Variants in NEDD4L observed in about 807,000 individuals in gnomAD.
NEDD4L encodes NEDD4 like E3 ubiquitin protein ligase.
A neutral mutation model predicts 148.9 loss-of-function variants in NEDD4L; 54 were observed. The ratio of observed to expected loss-of-function variants is 0.36; its 90% CI spans 0.29 to 0.45. The LOEUF is 0.45. Ranked by LOEUF, NEDD4L falls within the 20% of genes least tolerant of loss-of-function variation. The probability of loss-of-function intolerance (pLI) is 1.00; values close to 1 mark genes in which losing one functional copy is unlikely to be tolerated. For synonymous variants in NEDD4L, 433 were observed against 440.7 expected, an observed-to-expected ratio of 0.98 and a Z score of 0.22; for missense variants, 856 against 1,233.8, an observed-to-expected ratio of 0.69 and a Z score of 4.59.
chr18:58,384,608 GGAGT>G (rs1173251780), intron 25 of NEDD4L, among the ~76,000 whole-genome samples: 2 of 152,178 alleles, frequency 1.3e-5, no homozygotes, highest in Non-Finnish European at 2.9e-5. Context: ...AAACGTGGTG[GGAGT>G]CAGGGCCAGG....
At chr18:58,082,589 T>C (rs892234422) in intron 1 of NEDD4L, among the ~76,000 whole-genome samples, 13 of 150,646 alleles carry the variant, frequency 8.6e-5, no homozygotes, top group Non-Finnish European at 1.2e-4. Context: ...CCGGCCAACA[T>C]GGTGAAACCC....
At chr18:58,258,711 A>G (rs1316199957) in intron 5 of NEDD4L, among the ~76,000 whole-genome samples, 1 of 152,234 alleles carries the variant, frequency 6.6e-6, no homozygotes, top group Non-Finnish European at 1.5e-5. Context: ...GTACACATAC[A>G]TAAATTAGTA....
intron 1 of NEDD4L, among the ~76,000 whole-genome samples, chr18:58,162,409 C>T (rs555726076): frequency 3.9e-5 from 6 of 152,108 alleles, no homozygotes; most frequent in Non-Finnish European, 8.8e-5. Flanking sequence ...CCTGCCGCAC[C>T]ACTCAGCCTT....
rs148784578 is a variant in NEDD4L at position 58,179,875 on chromosome 18, T to C, written c.122+14014T>C. 3.8e-3 allele frequency among the ~76,000 whole-genome samples: 579 copies of C among 152,220 alleles called. 3 individuals carry two copies. Among genetic ancestry groups the C allele is most frequent in the African/African-American group, 0.013 (546 of 41,532 alleles). On this transcript the variant is annotated intron_variant, in intron 2 of 30. Coordinates refer to ENST00000400345, the MANE Select transcript of NEDD4L (RefSeq NM_001144967.3). Reference sequence around the variant, plus strand: ...TAATAGAAATAAAGTGCACCATAAATGTAATGCCCTTGAATCATCTCCAAA... The same window carrying C: ...TAATAGAAATAAAGTGCACCATAAACGTAATGCCCTTGAATCATCTCCAAA...
intron 2 of NEDD4L, among the ~76,000 whole-genome samples, chr18:58,224,760 G>C (rs756423452): frequency 4.6e-5 from 7 of 152,154 alleles, no homozygotes; most frequent in Non-Finnish European, 8.8e-5. Flanking sequence ...TCTTGTGCTA[G>C]ACATTGAGGG....
At chr18:58,374,234 A>C (rs556189136) in intron 24 of NEDD4L, among the ~76,000 whole-genome samples, 1 of 152,216 alleles carries the variant, frequency 6.6e-6, no homozygotes, top group Non-Finnish European at 1.5e-5. Context: ...TAATCACATT[A>C]ATATCAGAAT....
chr18:58,341,943 C>T (rs1437588262), intron 15 of NEDD4L, 146 bp downstream of exon 15: 2 of 870,786 alleles, frequency 2.3e-6, no homozygotes, highest in South Asian at 1.6e-5. Flanking sequence ...CTTGTGCAGC[C>T]TTTCTACCTG....
chr18:58,106,915 G>C (rs1242596047), intron 1 of NEDD4L, among the ~76,000 whole-genome samples: 2 of 152,190 alleles, frequency 1.3e-5, no homozygotes, highest in Non-Finnish European at 2.9e-5. Flanking sequence ...GAGGAAGTGG[G>C]TTAGTCTGCT....
At chr18:58,270,209 T>A (rs1398878530) in intron 5 of NEDD4L, among the ~76,000 whole-genome samples, 1 of 152,240 alleles carries the variant, frequency 6.6e-6, no homozygotes, top group African/African-American at 2.4e-5. Flanking sequence ...TTGTCAAATT[T>A]TCATGAATTT....
chr18:58,290,387 C>A (rs966115851), intron 5 of NEDD4L, among the ~76,000 whole-genome samples: 1 of 152,160 alleles, frequency 6.6e-6, no homozygotes, highest in Non-Finnish European at 1.5e-5. Flanking sequence ...GATTATACTT[C>A]ACAAATGTAA....
At chr18:58,208,041 TCAA>T (rs552503395) in intron 2 of NEDD4L, among the ~76,000 whole-genome samples, 1 of 151,814 alleles carries the variant, frequency 6.6e-6, no homozygotes, top group African/African-American at 2.4e-5. Flanking sequence ...AGACTCTGTC[TCAA>T]CAACAACAAC....
intron 18 of NEDD4L, among the ~76,000 whole-genome samples, chr18:58,352,737 A>G (rs1390527009): frequency 2.0e-5 from 3 of 152,230 alleles, no homozygotes; most frequent in African/African-American, 7.2e-5. Flanking sequence ...AATAATACTG[A>G]TCATTTTACT....
In NEDD4L at chr18:58,366,055, G is replaced by A; in HGVS notation, c.1890G>A (p.Glu630=). The A allele has an allele frequency of 6.2e-7, 1 of 1,613,328 alleles. No homozygotes were observed. Among genetic ancestry groups the A allele is most frequent in the Non-Finnish European group, 8.5e-7 (1 of 1,179,588 alleles). ...MKLHRNNIFE[E]SYRRIMSVKR... ...TTCACAGAAATAACATATTTGAAGA[G>A]TCCTATCGGAGAATTATGTCCGTGA... is the stretch of plus-strand genomic sequence containing the variant. Residue 630 remains glutamate, a synonymous_variant, in exon 21 of 31, where the codon GAG becomes GAA. Coordinates refer to ENST00000400345, the MANE Select transcript of NEDD4L (RefSeq NM_001144967.3). The surrounding 1 kb of genome is among the most constrained non-coding windows in gnomAD (Gnocchi z 4.2).
At chr18:58,057,882 G>A (rs1277438336) in intron 1 of NEDD4L, among the ~76,000 whole-genome samples, 1 of 152,162 alleles carries the variant, frequency 6.6e-6, no homozygotes, top group Non-Finnish European at 1.5e-5. Context: ...GACAACAGGG[G>A]CAGTTTAACC....
chr18:58,351,960 A>T (rs2043947565), intron 18 of NEDD4L, among the ~76,000 whole-genome samples: 1 of 152,222 alleles, frequency 6.6e-6, no homozygotes, highest in Non-Finnish European at 1.5e-5. Context: ...TCTCATAGGC[A>T]TAGTACGTTT....
chr18:58,249,045 T>G, intron 4 of NEDD4L, 108 bp downstream of exon 4: 1 of 593,656 alleles, frequency 1.7e-6, no homozygotes, highest in Admixed American at 3.4e-5. Flanking sequence ...AGAAATTCCT[T>G]TTAGGATGAA....
At chr18:58,214,637 G>T (rs62094524) in intron 2 of NEDD4L, among the ~76,000 whole-genome samples, 2 of 129,140 alleles carry the variant, frequency 1.5e-5, no homozygotes, top group Non-Finnish European at 3.5e-5. Flanking sequence ...GTGTGTGTGT[G>T]TGTGTGTTTT....
intron 5 of NEDD4L, among the ~76,000 whole-genome samples, chr18:58,295,478 C>G (rs930339918): frequency 6.6e-6 from 1 of 152,094 alleles, no homozygotes; most frequent in Non-Finnish European, 1.5e-5. Flanking sequence ...GGATAATATT[C>G]CACTGTCTGG....
intron 5 of NEDD4L, among the ~76,000 whole-genome samples, chr18:58,298,055 A>G (rs1271079743): frequency 1.3e-5 from 2 of 152,208 alleles, no homozygotes; most frequent in African/African-American, 4.8e-5. Context: ...TCTCTGGGTT[A>G]ACAAGTATGA....
Sources: allele counts gnomAD v4.1 joint callset (sites outside exome capture counted in the v4.1 genomes callset), GRCh38; gene constraint gnomAD v4.1.1; non-coding constraint Gnocchi (gnomAD v3.1); transcripts MANE v1.5; gene names NCBI Gene and HGNC (gene_info 2026-07-23, HGNC 2026-07-21).